PXK: variants seen among roughly 807,000 people sequenced by gnomAD.
The protein encoded by PXK is PX domain-containing protein kinase-like protein.
A neutral mutation model predicts 84.7 loss-of-function variants in PXK; 35 were observed. The ratio of observed to expected loss-of-function variants is 0.41; its 90% CI spans 0.32 to 0.55. PXK has a LOEUF of 0.55. Ranked by LOEUF, PXK falls within the 20% of genes least tolerant of loss-of-function variation. The probability of loss-of-function intolerance (pLI) is 0.21; values close to 1 mark genes in which losing one functional copy is unlikely to be tolerated. For missense variants in PXK, 634 were observed against 699.7 expected, an observed-to-expected ratio of 0.91 and a Z score of 1.06; for synonymous variants, 253 against 260.8, an observed-to-expected ratio of 0.97 and a Z score of 0.29.
chr3:58,367,427 A>G (rs900005372), intron 2 of PXK, among the ~76,000 whole-genome samples: 12 of 151,586 alleles, frequency 7.9e-5, no homozygotes, highest in Non-Finnish European at 2.9e-5. Context: ...TTGTATTTTT[A>G]GTAGAGACAG....
chr3:58,333,022 G>C lies in PXK; in HGVS notation c.34G>C (p.Val12Leu). Reference protein sequence around the residue: ...AFMEKPPAGKVLLDDTVPLTA... With the variant: ...AFMEKPPAGKLLLDDTVPLTA... ...CATGGAGAAGCCGCCAGCCGGCAAG[G>C]TGCTGCTGGACGACACGGTGCCGCT... The change falls in exon 1 of 18, where the codon GTG (valine) becomes CTG (leucine). Residue 12 changes from valine to leucine, a missense_variant. By Grantham distance (32) the Val-to-Leu change is conservative (BLOSUM62 1). Coordinates refer to ENST00000356151, the MANE Select transcript of PXK (RefSeq NM_017771.5). The surrounding 1 kb of genome is among the most constrained non-coding windows in gnomAD (Gnocchi z 5.4). 1.5e-6 allele frequency: 2 copies of C among 1,368,080 alleles called. No individual in the cohort carries two copies. The highest frequency in any genetic ancestry group is 2.9e-5 in the South Asian group (2 of 68,974). The allele number at this position is 1,368,080 out of a possible 1,614,324, so 84.7% of individuals were successfully genotyped here. A position where few individuals can be genotyped will look rare whatever the true frequency, so the allele number is the denominator to read the frequency against.
rs552685633 is a variant in PXK at position 58,387,885 on chromosome 3, G to C, written c.389-2697G>C. On this transcript the variant is annotated intron_variant, in intron 4 of 17. Coordinates refer to ENST00000356151, the MANE Select transcript of PXK (RefSeq NM_017771.5). ...GCCAGATGGAAAATGCTGAGGGAGTGGGGGCAGGCCAGTCTTTAGGGGCCA... is the reference window on the plus strand; with the variant it reads ...GCCAGATGGAAAATGCTGAGGGAGTCGGGGCAGGCCAGTCTTTAGGGGCCA... Among the ~76,000 whole-genome samples, 5 of 152,220 alleles carry C rather than the reference G, an allele frequency of 3.3e-5. No homozygotes were observed. The South Asian group carries it at 8.3e-4, about 25-fold the overall frequency.
At chr3:58,408,134 C>T (rs975314240) in intron 13 of PXK, among the ~76,000 whole-genome samples, 3 of 152,188 alleles carry the variant, frequency 2.0e-5, no homozygotes, top group Non-Finnish European at 4.4e-5. Context: ...ACTGTCCTTT[C>T]CCCCATTGTA....
intron 1 of PXK, among the ~76,000 whole-genome samples, chr3:58,339,157 G>GT (rs747482812): frequency 6.6e-6 from 1 of 151,816 alleles, no homozygotes; most frequent in Non-Finnish European, 1.5e-5. Context: ...TTTAGAGATT[G>GT]TAAGTTGTCT....
rs2098362022 is a variant in PXK, at chr3:58,370,993, CTG to C, written c.201+1517_201+1518del. On this transcript the variant is annotated intron_variant, in intron 3 of 17. Transcript: ENST00000356151. The surrounding 1 kb of genome is among the most constrained non-coding windows in gnomAD (Gnocchi z 4.2). Reference sequence around the variant, plus strand: ...GCATCCTGGGCAATAGAGCAAGACTCTGTCTCAAAAAACAAACAAACAAAAAA... The same window carrying C: ...GCATCCTGGGCAATAGAGCAAGACTCTCTCAAAAAACAAACAAACAAAAAA... Among the ~76,000 whole-genome samples, 1 of 152,166 alleles carries C rather than the reference CTG, an allele frequency of 6.6e-6. No individual in the cohort carries two copies. Among genetic ancestry groups the C allele is most frequent in the South Asian group, 2.1e-4 (1 of 4,832 alleles).
rs185764370 is a variant in PXK at position 58,374,213 on chromosome 3, A to T, written c.201+4735A>T. ...TTGAGACAGTCTCACTCTGTTGCCC[A>T]GGCTGGAGTGCAGTGAGCCGAGATC... On this transcript the variant is annotated intron_variant, in intron 3 of 17. Coordinates refer to ENST00000356151, the MANE Select transcript of PXK (RefSeq NM_017771.5). Among the ~76,000 whole-genome samples the T allele has an allele frequency of 8.4e-3, 787 of 93,650 alleles. 11 individuals are homozygous for T. Among genetic ancestry groups the T allele is most frequent in the African/African-American group, 0.031 (749 of 23,822 alleles). The allele number at this position is 93,650 out of a possible 152,430, so 61.4% of individuals were successfully genotyped here.
rs371763161 is a variant in PXK at position 58,391,128 on chromosome 3, A to G, written c.467-19A>G. On this transcript the variant is annotated intron_variant, in intron 5 of 17. Coordinates refer to ENST00000356151, the MANE Select transcript of PXK (RefSeq NM_017771.5). ...GCAAAAATTGTGCAGCTCTAAGCAC[A>G]TTTTTGCTTTTATGGCAGGTTGGAG... is the stretch of plus-strand genomic sequence containing the variant. 4.0e-5 allele frequency: 64 copies of G among 1,597,462 alleles called. No homozygotes were observed. In the African/African-American group the frequency reaches 8.3e-4, roughly 21 times the overall value.
At position 58,421,157 on chromosome 3, in the gene PXK, T is replaced by G. The variant is rs2061775186; in HGVS notation, c.1529-3595T>G. The G allele has an allele frequency of 6.1e-6, 6 of 985,406 alleles. No homozygotes were observed. Among genetic ancestry groups the G allele is most frequent in the Non-Finnish European group, 6.0e-6 (5 of 829,924 alleles). The allele number at this position is 985,406 out of a possible 1,614,324, so 61.0% of individuals were successfully genotyped here. Reference sequence around the variant, plus strand: ...TCGGTTCTCTCCTGAGGGTGGCTGGTAAGTCTGGTGTTACCCTAGTGTGGT... The same window carrying G: ...TCGGTTCTCTCCTGAGGGTGGCTGGGAAGTCTGGTGTTACCCTAGTGTGGT... On this transcript the variant is annotated intron_variant, in intron 17 of 17. Transcript: ENST00000356151. The surrounding 1 kb of genome is among the most constrained non-coding windows in gnomAD (Gnocchi z 5.5).
chr3:58,339,186 G>A (rs1030838213), intron 1 of PXK, among the ~76,000 whole-genome samples: 12 of 150,760 alleles, frequency 8.0e-5, no homozygotes, highest in Non-Finnish European at 1.8e-4. Flanking sequence ...TGAAGACGTT[G>A]GTTTTTTTGT....
At chr3:58,422,873 C>A (rs1341315519) in intron 17 of PXK, 1 of 985,354 alleles carries the variant, frequency 1.0e-6, no homozygotes, top group African/African-American at 1.7e-5. Flanking sequence ...CTGTCCTTAA[C>A]TGCACAGTGA....
At chr3:58,345,319 G>A (rs955107272) in intron 1 of PXK, among the ~76,000 whole-genome samples, 26 of 152,066 alleles carry the variant, frequency 1.7e-4, no homozygotes, top group African/African-American at 5.8e-4. Context: ...CATAGTAATA[G>A]GGAATGGTAC....
At chr3:58,336,071 A>ATATATATATATATATTTTTTT (rs1284780630) in intron 1 of PXK, among the ~76,000 whole-genome samples, 1 of 51,584 alleles carries the variant, frequency 1.9e-5, no homozygotes, top group African/African-American at 1.0e-4. Flanking sequence ...ATATATATAT[A>ATATATATATATATATTTTTTT]TTTTTTTTTT....
chr3:58,409,984 A>T lies in PXK; in HGVS notation c.1396-106A>T. 1 of 705,920 alleles carries T rather than the reference A, an allele frequency of 1.4e-6. No individual in the cohort carries two copies. The highest frequency in any genetic ancestry group is 2.4e-6 in the Non-Finnish European group (1 of 408,898). The allele number at this position is 705,920 out of a possible 1,614,324, so 43.7% of individuals were successfully genotyped here. On this transcript the variant is annotated intron_variant, in intron 15 of 17. Coordinates refer to ENST00000356151, the MANE Select transcript of PXK (RefSeq NM_017771.5). The surrounding 1 kb of genome is among the most constrained non-coding windows in gnomAD (Gnocchi z 4.2). ...GCTGAATATTACCTTGTCTGCAGCT[A>T]GTTTAATGGTATGCCTGGAAAATAT...
Position 58,409,471 on chromosome 3 carries a change from A to G in PXK, c.1309-61A>G. 4.1e-6 allele frequency: 6 copies of G among 1,459,914 alleles called. No individual in the cohort carries two copies. The highest frequency in any genetic ancestry group is 5.7e-6 in the Non-Finnish European group (6 of 1,054,906). The allele number at this position is 1,459,914 out of a possible 1,614,324, so 90.4% of individuals were successfully genotyped here. ...TGTGGTTTGCCAAAACATGTTGGAGAAGATTTTCATTAGGAAGCTGCCTTA... is the reference window on the plus strand; with the variant it reads ...TGTGGTTTGCCAAAACATGTTGGAGGAGATTTTCATTAGGAAGCTGCCTTA... On this transcript the variant is annotated intron_variant, in intron 14 of 17. Transcript: ENST00000356151. The surrounding 1 kb of genome is among the most constrained non-coding windows in gnomAD (Gnocchi z 4.2).
chr3:58,397,752 G>A lies in PXK; in HGVS notation c.1102+30G>A, dbSNP rs983027030. ...GTATGGGGTTGGGAAGGGTCTTCTG[G>A]GCCCTAGTAGTGTGCAGAGCCACTC... On this transcript the variant is annotated intron_variant, in intron 11 of 17. Coordinates refer to ENST00000356151, the MANE Select transcript of PXK (RefSeq NM_017771.5). The surrounding 1 kb of genome is among the most constrained non-coding windows in gnomAD (Gnocchi z 4.7). The A allele has an allele frequency of 6.4e-7, 1 of 1,550,714 alleles. No homozygotes were observed. The highest frequency in any genetic ancestry group is 1.7e-5 in the Admixed American group (1 of 59,894).
intron 13 of PXK, among the ~76,000 whole-genome samples, chr3:58,404,987 G>C (rs531851495): frequency 6.6e-6 from 1 of 152,276 alleles, no homozygotes; most frequent in South Asian, 2.1e-4. Context: ...AATTTCTTCA[G>C]CCTTGTCAAT....
chr3:58,409,754 T>C lies in PXK; in HGVS notation c.1395+136T>C. The C allele has an allele frequency of 2.9e-6, 2 of 690,662 alleles. No individual in the cohort carries two copies. The highest frequency in any genetic ancestry group is 4.5e-6 in the Non-Finnish European group (2 of 443,236). 42.8% of individuals were successfully genotyped at this position (690,662 alleles called of 1,614,324 possible). ...AAAGCTAAGACTATTTCCAGATGAC[T>C]GGGGTGCAGTTTTTTTGGGGAAAAA... On this transcript the variant is annotated intron_variant, in intron 15 of 17. Transcript: ENST00000356151. This position sits in a 1 kb window ranked among gnomAD's most constrained non-coding sequence, Gnocchi z 4.2.
Position 58,412,775 on chromosome 3 carries a change from C to T in PXK, c.1466-126C>T, listed in dbSNP as rs2060391780. 1.1e-6 allele frequency: 1 copy of T among 945,108 alleles called. No homozygotes were observed. Among genetic ancestry groups the T allele is most frequent in the Non-Finnish European group, 1.7e-6 (1 of 589,960 alleles). 58.5% of individuals were successfully genotyped at this position (945,108 alleles called of 1,614,324 possible). On this transcript the variant is annotated intron_variant, in intron 16 of 17. Transcript: ENST00000356151. The surrounding 1 kb of genome is among the most constrained non-coding windows in gnomAD (Gnocchi z 6.2). ...CTCTGAGTTTTTTGTCCCTCATCAT[C>T]TTGTTTCACAAGGCTCACACACTAA...
rs753122034 is a variant in PXK, at chr3:58,419,101, A to G, written c.1529-5651A>G. ...GATTGGAAGAAAAGGCTATGATCTAATGCTAATAGGCTGAGTGGGGAAACC... is the reference window on the plus strand; with the variant it reads ...GATTGGAAGAAAAGGCTATGATCTAGTGCTAATAGGCTGAGTGGGGAAACC... On this transcript the variant is annotated intron_variant, in intron 17 of 17. Transcript: ENST00000356151. 3.6e-4 allele frequency among the ~76,000 whole-genome samples: 55 copies of G among 152,240 alleles called. 1 individual carries two copies. Among genetic ancestry groups the G allele is most frequent in the Non-Finnish European group, 6.6e-4 (45 of 68,044 alleles).
Sources: allele counts gnomAD v4.1 joint callset (sites outside exome capture counted in the v4.1 genomes callset), GRCh38; gene constraint gnomAD v4.1.1; non-coding constraint Gnocchi (gnomAD v3.1); transcripts MANE v1.5; gene names NCBI Gene and HGNC (gene_info 2026-07-23, HGNC 2026-07-21).